PHF24: variants seen among roughly 807,000 people sequenced by gnomAD.
PHF24 encodes PHD finger protein 24.
In PHF24, 25 loss-of-function variants were observed where a neutral mutation model predicts 42.6. The ratio of observed to expected loss-of-function variants is 0.59; its 90% CI spans 0.43 to 0.82. The LOEUF is 0.82. Ranked by LOEUF, PHF24 falls within the 40% of genes least tolerant of loss-of-function variation. The pLI is 0.00. For missense variants in PHF24, 470 were observed against 538.1 expected (o/e 0.87, Z 1.25); for synonymous variants, 185 against 204.8 (o/e 0.90, Z 0.83).
chr9:34,754,988 G>A, the PHF24 span, among the ~76,000 whole-genome samples: 1 of 152,116 alleles, frequency 6.6e-6, no homozygotes, highest in African/African-American at 2.4e-5. Flanking sequence ...ACTCATTTGT[G>A]GGAGCTAAAA....
the PHF24 span, among the ~76,000 whole-genome samples, chr9:34,733,130 T>A: frequency 6.6e-6 from 1 of 152,200 alleles, no homozygotes; most frequent in Non-Finnish European, 1.5e-5. Flanking sequence ...GAATTTGCAC[T>A]CTCACCAAAA....
At chr9:34,694,292 C>G in the PHF24 span, among the ~76,000 whole-genome samples, 1 of 151,494 alleles carries the variant, frequency 6.6e-6, no homozygotes, top group Non-Finnish European at 1.5e-5. Flanking sequence ...GCCTCAGCCA[C>G]CCGAGTAGCT....
the PHF24 span, among the ~76,000 whole-genome samples, chr9:34,836,472 A>C: frequency 9.9e-5 from 15 of 152,208 alleles, no homozygotes; most frequent in African/African-American, 3.1e-4. Context: ...TTTTCAGTAC[A>C]TCCAAACTGT....
chr9:34,840,490 C>T, the PHF24 span, among the ~76,000 whole-genome samples: 21 of 151,248 alleles, frequency 1.4e-4, no homozygotes, highest in Non-Finnish European at 2.5e-4. Context: ...CCTTCTTCTT[C>T]CCCTCCCTCC....
chr9:34,943,657 G>C, the PHF24 span, among the ~76,000 whole-genome samples: 1 of 152,128 alleles, frequency 6.6e-6, no homozygotes, highest in Admixed American at 6.5e-5. Flanking sequence ...AAAAAAACTA[G>C]GGGATTCATC....
the PHF24 span, among the ~76,000 whole-genome samples, chr9:34,842,801 A>C: frequency 6.6e-6 from 1 of 152,136 alleles, no homozygotes; most frequent in Non-Finnish European, 1.5e-5. Context: ...TTAATTTCCA[A>C]ACTGTTTTCC....
At chr9:34,690,748 A>C in the PHF24 span, among the ~76,000 whole-genome samples, 1 of 151,954 alleles carries the variant, frequency 6.6e-6, no homozygotes, top group Non-Finnish European at 1.5e-5. Flanking sequence ...AAATTTTTGA[A>C]TATCAGCCTT....
chr9:34,956,995 G>A (rs904790789), upstream of PHF24, among the ~76,000 whole-genome samples: 1 of 152,184 alleles, frequency 6.6e-6, no homozygotes, highest in Admixed American at 6.5e-5. Flanking sequence ...GACCTTGGGC[G>A]AGTTGTTTAA....
At chr9:34,865,860 C>T in the PHF24 span, among the ~76,000 whole-genome samples, 6 of 152,246 alleles carry the variant, frequency 3.9e-5, no homozygotes, top group African/African-American at 1.4e-4. Context: ...GGCTGTTTGA[C>T]ACAGGTCACC....
chr9:34,806,412 G>C, the PHF24 span, among the ~76,000 whole-genome samples: 1 of 152,104 alleles, frequency 6.6e-6, no homozygotes, highest in Admixed American at 6.5e-5. Flanking sequence ...GTAGTTTTCA[G>C]AGTAAAAGTT....
At chr9:34,916,445 G>A in the PHF24 span, among the ~76,000 whole-genome samples, 3 of 152,134 alleles carry the variant, frequency 2.0e-5, no homozygotes, top group Non-Finnish European at 4.4e-5. Context: ...GAGTGATACC[G>A]CCACCCTCTA....
chr9:34,867,969 C>A, the PHF24 span, among the ~76,000 whole-genome samples: 1 of 152,182 alleles, frequency 6.6e-6, no homozygotes, highest in Non-Finnish European at 1.5e-5. Flanking sequence ...AAGGACACAA[C>A]ATAAATGCAG....
the PHF24 span, among the ~76,000 whole-genome samples, chr9:34,761,698 ATTT>A: frequency 6.6e-6 from 1 of 151,986 alleles, no homozygotes; most frequent in Non-Finnish European, 1.5e-5. Flanking sequence ...ATTTTTTTAA[ATTT>A]TATTATTATT....
rs36002106 is a variant in PHF24 at position 34,958,515 on chromosome 9, G to GC, written c.-5+120dup. On this transcript the variant is annotated intron_variant, in intron 1 of 7. Coordinates refer to ENST00000242315, the Ensembl canonical transcript of PHF24. This position sits in a 1 kb window ranked among gnomAD's most constrained non-coding sequence, Gnocchi z 4.5. ...TTGTGTGGGAGCCGCCTCCAAGGTG[G>GC]CCCCCCTGTGTCATTGGATGAACCC... The GC allele has an allele frequency of 0.21, 32,670 of 152,162 alleles. 4,254 individuals carry two copies. The highest frequency in any genetic ancestry group is 0.29 in the Non-Finnish European group (20,058 of 68,014). The allele number at this position is 152,162 out of a possible 1,614,324, so 9.4% of individuals were successfully genotyped here. A position where few individuals can be genotyped will look rare whatever the true frequency, so the allele number is the denominator to read the frequency against.
chr9:34,665,638 C>G, the PHF24 span: 20 of 701,344 alleles, frequency 2.9e-5, no homozygotes, highest in African/African-American at 3.5e-4. Flanking sequence ...AGCGCCACCT[C>G]GTATCTCCTC....
the PHF24 span, among the ~76,000 whole-genome samples, chr9:34,822,729 T>G: frequency 5.3e-5 from 8 of 152,202 alleles, no homozygotes; most frequent in African/African-American, 1.7e-4. Flanking sequence ...CATCAGTTCC[T>G]AAATAGGATA....
chr9:34,919,326 T>C, the PHF24 span, among the ~76,000 whole-genome samples: 1 of 152,196 alleles, frequency 6.6e-6, no homozygotes, highest in African/African-American at 2.4e-5. Flanking sequence ...TCTTCTCTTC[T>C]AGATATTTTG....
the PHF24 span, among the ~76,000 whole-genome samples, chr9:34,824,764 C>T: frequency 1.3e-5 from 2 of 152,170 alleles, no homozygotes; most frequent in Admixed American, 6.5e-5. Context: ...GTTTCTGGGT[C>T]CTCCACAGTT....
At chr9:34,689,684 C>T in the PHF24 span, 1 of 966,392 alleles carries the variant, frequency 1.0e-6, no homozygotes. The surrounding 1 kb of genome is among the most constrained non-coding windows in gnomAD (Gnocchi z 4.1). Context: ...ACACCCCAGG[C>T]CCTGTCCTGG....
Sources: gnomAD v4.1 joint callset for allele counts (sites outside exome capture counted in the v4.1 genomes callset) on GRCh38, gnomAD v4.1.1 for gene constraint, Gnocchi (gnomAD v3.1) non-coding constraint, MANE v1.5 for transcripts, NCBI Gene and HGNC (gene_info 2026-07-23, HGNC 2026-07-21) for gene names.